BEND7: variants seen among roughly 807,000 people sequenced by gnomAD.
BEND7 encodes BEN domain-containing protein 7.
BEND7 carries 28 observed loss-of-function variants against 50.9 expected under a neutral mutation model. That is an observed-to-expected ratio of 0.55 (90% confidence interval 0.41 to 0.75). The LOEUF is 0.75. Among genes scored for constraint, BEND7 ranks in the 30% least tolerant of loss-of-function variants. BEND7 has a pLI of 0.00. For missense variants in BEND7, 477 were observed against 491.3 expected (o/e 0.97, Z 0.28); for synonymous variants, 170 against 183.9 (o/e 0.92, Z 0.61).
At chr10:13,439,351 G>T, downstream of BEND7, 1 of 1,614,172 alleles carries the variant, frequency 6.2e-7, no homozygotes, top group Non-Finnish European at 8.5e-7. Flanking sequence ...TCTCTGGTAA[G>T]GTTGTTCAGG....
intron 2 of BEND7, 94 bp from the exon 3 acceptor site, chr10:13,500,174 T>C (rs1037742016): frequency 3.9e-5 from 42 of 1,080,664 alleles, no homozygotes; most frequent in East Asian, 2.2e-4. Context: ...CAACCCTTCT[T>C]TGGAAATGGG....
At chr10:13,488,959 T>C (rs1200133640) in intron 5 of BEND7, among the ~76,000 whole-genome samples, 1 of 152,220 alleles carries the variant, frequency 6.6e-6, no homozygotes, top group Non-Finnish European at 1.5e-5. Flanking sequence ...CGTGTATTTT[T>C]TTACTGATAG....
chr10:13,528,954 C>A lies in BEND7; in HGVS notation c.-421G>T. On this transcript the variant is annotated 5_prime_UTR_variant, in exon 1 of 9. Transcript: ENST00000466271. ...GGCCCGCCTGGGCTCAGCCTGCGGT[C>A]GCGGCGGCGGCGGCGGCGGCCCCGA... 7.2e-6 allele frequency: 1 copy of A among 138,510 alleles called. No homozygotes were observed. Among genetic ancestry groups the A allele is most frequent in the South Asian group, 2.0e-4 (1 of 5,012 alleles). 8.6% of individuals were successfully genotyped at this position (138,510 alleles called of 1,614,324 possible).
chr10:13,490,478 C>T (rs542234517), intron 5 of BEND7, among the ~76,000 whole-genome samples: 41 of 152,336 alleles, frequency 2.7e-4, no homozygotes, highest in African/African-American at 9.6e-4. Context: ...CCCCGTGTCC[C>T]TCCTGAATGT....
At chr10:13,480,872 C>T in intron 6 of BEND7, 27 bp downstream of exon 6, 1 of 1,612,204 alleles carries the variant, frequency 6.2e-7, no homozygotes, top group Non-Finnish European at 8.5e-7. Flanking sequence ...AACGAAGAAC[C>T]CACAAAATGA....
At chr10:13,508,695 A>G (rs2078067510) in intron 2 of BEND7, among the ~76,000 whole-genome samples, 1 of 152,242 alleles carries the variant, frequency 6.6e-6, no homozygotes, top group Non-Finnish European at 1.5e-5. Flanking sequence ...TTGAGATACT[A>G]TCAGGTTCAC....
chr10:13,467,253 T>C (rs2074345122), intron 6 of BEND7, among the ~76,000 whole-genome samples: 1 of 152,212 alleles, frequency 6.6e-6, no homozygotes, highest in Non-Finnish European at 1.5e-5. Context: ...AGGCACCAAG[T>C]TGCTAGGACA....
intron 7 of BEND7, among the ~76,000 whole-genome samples, chr10:13,450,304 T>C (rs535565157): frequency 6.6e-6 from 1 of 152,326 alleles, no homozygotes; most frequent in Non-Finnish European, 1.5e-5. Context: ...AGGTGGAAAT[T>C]GTGCAATCTC....
chr10:13,498,386 T>C (rs1047020675), intron 3 of BEND7, among the ~76,000 whole-genome samples: 52 of 152,314 alleles, frequency 3.4e-4, no homozygotes, highest in Admixed American at 1.8e-3. Flanking sequence ...CATATTTCTA[T>C]TGAAAACATA....
Position 13,506,474 on chromosome 10 carries a change from C to T in BEND7, c.146-6394G>A, listed in dbSNP as rs1159481141. Among the ~76,000 whole-genome samples the T allele has an allele frequency of 2.0e-5, 3 of 152,138 alleles. 1 individual carries two copies. In the South Asian group the frequency reaches 6.2e-4, roughly 32 times the overall value. On this transcript the variant is annotated intron_variant, in intron 2 of 8. Transcript: ENST00000466271. ...GATTCATAGGAGATGAGGCAGGCAA[C>T]GGAGCTGGAGCGCATAGTGAGGCCA...
chr10:13,455,326 A>C (rs1037382871), intron 6 of BEND7, among the ~76,000 whole-genome samples: 3 of 151,960 alleles, frequency 2.0e-5, no homozygotes, highest in Non-Finnish European at 2.9e-5. Context: ...GAGCACATGA[A>C]GGGGCCCAAG....
intron 5 of BEND7, among the ~76,000 whole-genome samples, chr10:13,490,517 T>A (rs1324987507): frequency 6.6e-6 from 1 of 152,222 alleles, no homozygotes; most frequent in African/African-American, 2.4e-5. Flanking sequence ...CCAGGCTCAC[T>A]GCTCCTGTCT....
chr10:13,516,952 G>A (rs904084572), intron 2 of BEND7, among the ~76,000 whole-genome samples: 8 of 151,856 alleles, frequency 5.3e-5, no homozygotes, highest in Admixed American at 3.3e-4. Flanking sequence ...GAAGATTTTT[G>A]TGACCATACA....
chr10:13,488,027 G>A (rs1373841793), intron 5 of BEND7, among the ~76,000 whole-genome samples: 5 of 146,378 alleles, frequency 3.4e-5, no homozygotes, highest in African/African-American at 1.3e-4. Context: ...CTGGAGGTGA[G>A]CCAAGATCAT....
Position 13,482,510 on chromosome 10 carries a change from AT to A in BEND7, c.838-1387del, listed in dbSNP as rs549898393. Among the ~76,000 whole-genome samples, 2 of 152,202 alleles carry A rather than the reference AT, an allele frequency of 1.3e-5. 1 individual carries two copies. The highest frequency in any genetic ancestry group is 4.2e-4 in the South Asian group (2 of 4,812). ...TGGATAGTAAGAATGATTATTTTTGATTTTGTCCTATCACTTTTCAACATGC... is the reference window on the plus strand; with the variant it reads ...TGGATAGTAAGAATGATTATTTTTGATTTGTCCTATCACTTTTCAACATGC... On this transcript the variant is annotated intron_variant, in intron 5 of 8. Coordinates refer to ENST00000466271, the MANE Select transcript of BEND7 (RefSeq NM_001369863.1).
chr10:13,499,906 T>G lies in BEND7; in HGVS notation c.320A>C (p.Gln107Pro). ...ACCACGTGAAGACGGGTGGAGGCTT[T>G]GCGGGGCCTCAGCAGAGGAGTTCAA... ...PRLNSSAEAP[Q>P]SLHPSSRGVW... Residue 107 changes from glutamine to proline, a missense_variant, in exon 3 of 9, where the codon CAA (glutamine) becomes CCA (proline). Physicochemically the swap from Gln to Pro is moderately conservative, Grantham distance 76. This residue lies in a region of BEND7 where 396 missense variants were observed against 384.2 expected (regional missense o/e 1.03). Transcript: ENST00000466271. The G allele has an allele frequency of 6.2e-7, 1 of 1,614,174 alleles. No homozygotes were observed.
chr10:13,487,724 A>G (rs1289241783), intron 5 of BEND7, among the ~76,000 whole-genome samples: 1 of 152,064 alleles, frequency 6.6e-6, no homozygotes, highest in East Asian at 1.9e-4. Context: ...GTAAATTTAA[A>G]AAATCATTTG....
chr10:13,488,730 G>A (rs190013907), intron 5 of BEND7, among the ~76,000 whole-genome samples: 4 of 152,152 alleles, frequency 2.6e-5, no homozygotes, highest in African/African-American at 4.8e-5. Context: ...CTCCTGATCC[G>A]CCCGCCTTGG....
chr10:13,522,811 A>G (rs1370555778), intron 2 of BEND7, among the ~76,000 whole-genome samples: 4 of 152,136 alleles, frequency 2.6e-5, no homozygotes. Context: ...CTGGAACCCT[A>G]CCTGTGGCAC....
Sources: allele counts gnomAD v4.1 joint callset (sites outside exome capture counted in the v4.1 genomes callset), GRCh38; gene constraint gnomAD v4.1.1; regional missense constraint gnomAD v4.1.1; transcripts MANE v1.5; gene names NCBI Gene and HGNC (gene_info 2026-07-23, HGNC 2026-07-21).